The following SDK1 variants were observed in gnomAD, a reference collection of about 807,000 sequenced individuals.
SDK1 encodes protein sidekick-1.
Under a neutral mutation model 245.5 loss-of-function variants are expected in SDK1, and 157 were observed. That is an observed-to-expected ratio of 0.64 (90% CI 0.56 to 0.73). The LOEUF (loss-of-function observed/expected upper bound fraction) is 0.73, where lower values mean the gene tolerates loss of function less well. Among genes scored for constraint, SDK1 ranks in the 30% least tolerant of loss-of-function variants. The pLI is 0.00. For missense variants in SDK1, 3,583 were observed against 3,002.3 expected, an observed-to-expected ratio of 1.19 and a Z score of -4.52; for synonymous variants, 1,647 against 1,278.5, an observed-to-expected ratio of 1.29 and a Z score of -6.15.
chr7:3,643,911 AATT>A (rs1782737265), intron 4 of SDK1: 1 of 149,296 alleles, frequency 6.7e-6, no homozygotes, highest in Non-Finnish European at 1.5e-5. Context: ...TATAATTAAT[AATT>A]ATTATTTTGA....
intron 1 of SDK1, among the ~76,000 whole-genome samples, chr7:3,383,084 C>CT (rs1198134986): frequency 1.3e-5 from 2 of 152,004 alleles, no homozygotes; most frequent in Non-Finnish European, 2.9e-5. Context: ...TGCATTTCCG[C>CT]TAAAAAAAAT....
chr7:3,677,076 G>A (rs1783924946), intron 4 of SDK1, among the ~76,000 whole-genome samples: 1 of 152,074 alleles, frequency 6.6e-6, no homozygotes, highest in African/African-American at 2.4e-5. Flanking sequence ...AGAAATCTGG[G>A]TGGCTAATTT....
At chr7:3,540,368 C>T (rs1057269075) in intron 1 of SDK1, among the ~76,000 whole-genome samples, 4 of 152,322 alleles carry the variant, frequency 2.6e-5, no homozygotes, top group African/African-American at 9.6e-5. Context: ...AATTGCCCCA[C>T]TTTACTGCAG....
chr7:4,185,906 C>T (rs1024824380), intron 35 of SDK1, among the ~76,000 whole-genome samples: 8 of 151,854 alleles, frequency 5.3e-5, no homozygotes, highest in African/African-American at 1.9e-4. Context: ...ACAAACATAG[C>T]CCAGGCCACC....
chr7:3,923,887 G>A (rs935218084), intron 5 of SDK1, among the ~76,000 whole-genome samples: 1 of 152,162 alleles, frequency 6.6e-6, no homozygotes, highest in Admixed American at 6.5e-5. Flanking sequence ...TCTTTTGCGG[G>A]TGGGGAATTT....
intron 1 of SDK1, among the ~76,000 whole-genome samples, chr7:3,304,675 A>G (rs1368267556): frequency 6.6e-6 from 1 of 152,158 alleles, no homozygotes; most frequent in African/African-American, 2.4e-5. Flanking sequence ...TTCCTCTTCC[A>G]TGAGCCACAT....
chr7:4,067,289 A>G (rs1779967970), intron 19 of SDK1, among the ~76,000 whole-genome samples: 1 of 152,164 alleles, frequency 6.6e-6, no homozygotes, highest in Non-Finnish European at 1.5e-5. Flanking sequence ...CTCCTGGGAA[A>G]GGAATTTGTT....
At chr7:4,216,967 CA>C (rs1784831956) in intron 38 of SDK1, among the ~76,000 whole-genome samples, 1 of 150,758 alleles carries the variant, frequency 6.6e-6, no homozygotes, top group Non-Finnish European at 1.5e-5. Flanking sequence ...TCCAGAGCAC[CA>C]GGCCACCCGG....
intron 32 of SDK1, among the ~76,000 whole-genome samples, chr7:4,168,770 G>A (rs1469494650): frequency 6.6e-6 from 1 of 152,162 alleles, no homozygotes; most frequent in Non-Finnish European, 1.5e-5. Flanking sequence ...TCAGGGCGAG[G>A]TTGCTTGGCT....
intron 4 of SDK1, among the ~76,000 whole-genome samples, chr7:3,780,088 A>C (rs910214482): frequency 6.6e-6 from 1 of 152,192 alleles, no homozygotes; most frequent in Admixed American, 6.5e-5. Flanking sequence ...GAAAATGTCA[A>C]CACTTGGAAA....
chr7:3,600,058 G>A (rs1031328911), intron 1 of SDK1, among the ~76,000 whole-genome samples: 2 of 152,026 alleles, frequency 1.3e-5, no homozygotes, highest in Non-Finnish European at 2.9e-5. Context: ...TAATTCTATG[G>A]ACATGGTGTG....
intron 1 of SDK1, among the ~76,000 whole-genome samples, chr7:3,561,906 A>G (rs948365580): frequency 1.3e-5 from 2 of 152,192 alleles, no homozygotes; most frequent in Admixed American, 1.3e-4. Context: ...TTCTTTTCTA[A>G]GTTTTCTTTT....
chr7:3,582,468 G>C (rs547512299), intron 1 of SDK1, among the ~76,000 whole-genome samples: 7 of 145,656 alleles, frequency 4.8e-5, no homozygotes, highest in South Asian at 2.1e-4. Context: ...AGGTAGGTCT[G>C]TCTCAGGTAG....
At chr7:4,030,583 C>G (rs951414131) in intron 17 of SDK1, among the ~76,000 whole-genome samples, 1 of 152,242 alleles carries the variant, frequency 6.6e-6, no homozygotes, top group Non-Finnish European at 1.5e-5. Flanking sequence ...ATAACTCTAT[C>G]TGGACATCAT....
At chr7:4,121,949 G>C (rs534167496) in intron 25 of SDK1, among the ~76,000 whole-genome samples, 12 of 152,068 alleles carry the variant, frequency 7.9e-5, no homozygotes, top group Non-Finnish European at 1.6e-4. Flanking sequence ...TTTTATAATT[G>C]GGTTATTGAT....
At chr7:3,329,967 A>C (rs1008716795) in intron 1 of SDK1, among the ~76,000 whole-genome samples, 8 of 152,214 alleles carry the variant, frequency 5.3e-5, no homozygotes, top group Non-Finnish European at 2.9e-5. Context: ...GCATTCATGG[A>C]TTTTGGTATG....
intron 4 of SDK1, among the ~76,000 whole-genome samples, chr7:3,696,284 C>T (rs1229021079): frequency 2.0e-5 from 3 of 152,102 alleles, no homozygotes; most frequent in Non-Finnish European, 4.4e-5. Context: ...GGTCATCCTC[C>T]ACTCCTTGGA....
At position 3,350,356 on chromosome 7, in the gene SDK1, G is replaced by A. The variant is rs184562136; in HGVS notation, c.298+48472G>A. Among the ~76,000 whole-genome samples the A allele has an allele frequency of 5.9e-5, 9 of 152,330 alleles. No individual in the cohort carries two copies. In the East Asian group the frequency reaches 1.7e-3, roughly 29 times the overall value. On this transcript the variant is annotated intron_variant, in intron 1 of 44. Transcript: ENST00000404826. ...CCCACAGTGGAAATGGATGTGGTGTGATGCCATGAACTTGTGAAGCAAGTG... is the reference window on the plus strand; with the variant it reads ...CCCACAGTGGAAATGGATGTGGTGTAATGCCATGAACTTGTGAAGCAAGTG...
chr7:3,378,437 C>G (rs1280556076), intron 1 of SDK1, among the ~76,000 whole-genome samples: 1 of 152,116 alleles, frequency 6.6e-6, no homozygotes, highest in Non-Finnish European at 1.5e-5. Flanking sequence ...ACTTGCGTTT[C>G]TTCGAGCATA....
Sources: allele counts gnomAD v4.1 joint callset (sites outside exome capture counted in the v4.1 genomes callset), GRCh38; gene constraint gnomAD v4.1.1; transcripts MANE v1.5; gene names NCBI Gene and HGNC (gene_info 2026-07-23, HGNC 2026-07-21).